Variants in RAMP1 observed in about 807,000 individuals in gnomAD.
RAMP1 encodes the protein receptor activity-modifying protein 1.
A neutral mutation model predicts 8.2 loss-of-function variants in RAMP1; 7 were observed. The ratio of observed to expected loss-of-function variants is 0.85; its 90% confidence interval spans 0.49 to 1.60. The LOEUF is 1.60. RAMP1 is among the 40% of genes most tolerant of loss of function. The probability of loss-of-function intolerance (pLI) is 0.00; values close to 1 mark genes in which losing one functional copy is unlikely to be tolerated. For missense variants in RAMP1, 192 were observed against 202.4 expected (o/e 0.95, Z 0.31); for synonymous variants, 92 against 84.7 (o/e 1.09, Z -0.47).
chr2:237,865,814 C>A lies in RAMP1; in HGVS notation c.52+6087C>A, dbSNP rs375044218. 1.7e-4 allele frequency among the ~76,000 whole-genome samples: 26 copies of A among 152,198 alleles called. No homozygotes were observed. In the East Asian group the frequency reaches 3.5e-3, roughly 20 times the overall value. On this transcript the variant is annotated intron_variant, in intron 1 of 2. Transcript: ENST00000254661. This position sits in a 1 kb window ranked among gnomAD's most constrained non-coding sequence, Gnocchi z 4.2. ...CAGGGAGGACAGAGAAGGAAACGGG[C>A]CCCAGGCACCACTGGGCACCTTGAC... is the stretch of plus-strand genomic sequence containing the variant.
intron 1 of RAMP1, among the ~76,000 whole-genome samples, chr2:237,875,265 C>T (rs1293810994): frequency 1.2e-4 from 18 of 152,274 alleles, no homozygotes; most frequent in East Asian, 3.9e-4. Context: ...GCATCCACAG[C>T]GGGCCCAGCC....
chr2:237,901,273 G>T (rs1867935), intron 2 of RAMP1, among the ~76,000 whole-genome samples: 127,344 of 152,246 alleles, frequency 0.84, 53,449 homozygotes, highest in East Asian at 0.95. Flanking sequence ...CCAGAGTAAG[G>T]GGGATTTTTG....
rs575211854 is a variant in RAMP1 at position 237,884,422 on chromosome 2, G to A, written c.191+7060G>A. ...TCCAGAGACCTTCCTATGGGTGTAGGGGAGGGAGAGAGAAGGCAGAACAGA... is the reference window on the plus strand; with the variant it reads ...TCCAGAGACCTTCCTATGGGTGTAGAGGAGGGAGAGAGAAGGCAGAACAGA... On this transcript the variant is annotated intron_variant, in intron 2 of 2. Transcript: ENST00000254661. Among the ~76,000 whole-genome samples, 40 of 152,288 alleles carry A rather than the reference G, an allele frequency of 2.6e-4. No homozygotes were observed. The South Asian group carries it at 7.9e-3, about 30-fold the overall frequency.
chr2:237,867,583 C>A (rs1054480816), intron 1 of RAMP1, among the ~76,000 whole-genome samples: 2 of 152,218 alleles, frequency 1.3e-5, no homozygotes, highest in African/African-American at 4.8e-5. Context: ...TGTGACACAA[C>A]AACCTGCCCA....
At chr2:237,907,089 C>T (rs2062660960) in intron 2 of RAMP1, among the ~76,000 whole-genome samples, 1 of 152,192 alleles carries the variant, frequency 6.6e-6, no homozygotes, top group Non-Finnish European at 1.5e-5. Flanking sequence ...TGTGTTTCCC[C>T]TCCCCGCAAC....
At chr2:237,886,499 A>T (rs2062434753) in intron 2 of RAMP1, among the ~76,000 whole-genome samples, 1 of 152,188 alleles carries the variant, frequency 6.6e-6, no homozygotes, top group Admixed American at 6.5e-5. Flanking sequence ...AGAAAGCTCC[A>T]GGAGAAATGC....
intron 1 of RAMP1, among the ~76,000 whole-genome samples, chr2:237,873,888 C>A (rs1161140524): frequency 6.6e-6 from 1 of 152,198 alleles, no homozygotes; most frequent in Non-Finnish European, 1.5e-5. Flanking sequence ...TCCAGATTTG[C>A]CTGAACAGCT....
chr2:237,863,558 A>T (rs1340243441), intron 1 of RAMP1, among the ~76,000 whole-genome samples: 1 of 152,206 alleles, frequency 6.6e-6, no homozygotes, highest in Non-Finnish European at 1.5e-5. Context: ...TCACCGAATG[A>T]TGTTATTCTG....
chr2:237,904,272 G>A (rs1233821403), intron 2 of RAMP1, among the ~76,000 whole-genome samples: 2 of 144,428 alleles, frequency 1.4e-5, no homozygotes, highest in African/African-American at 2.5e-5. Context: ...AAAAAAAATA[G>A]CCAGGGCGTG....
intron 1 of RAMP1, among the ~76,000 whole-genome samples, chr2:237,866,547 A>G (rs548820011): frequency 6.6e-6 from 1 of 152,042 alleles, no homozygotes; most frequent in Non-Finnish European, 1.5e-5. Context: ...ATGGCAATAC[A>G]AGTGACCCTT....
At chr2:237,887,392 C>T (rs1024827254) in intron 2 of RAMP1, among the ~76,000 whole-genome samples, 1 of 151,866 alleles carries the variant, frequency 6.6e-6, no homozygotes, top group Non-Finnish European at 1.5e-5. Context: ...TTCGAGGACA[C>T]CGAGTATCTT....
At chr2:237,872,781 CTGTGGGACGCTGA>C (rs371512277) in intron 1 of RAMP1, among the ~76,000 whole-genome samples, 4,203 of 152,342 alleles carry the variant, frequency 0.028, 83 homozygotes, top group Non-Finnish European at 0.04. Context: ...AATCCCAGCA[CTGTGGGACGCTGA>C]GGTGGGACGA....
rs2062319558 is a variant in RAMP1 at position 237,877,416 on chromosome 2, A to G, written c.191+54A>G. 7 of 1,576,474 alleles carry G rather than the reference A, an allele frequency of 4.4e-6. No individual in the cohort carries two copies. Among genetic ancestry groups the G allele is most frequent in the Non-Finnish European group, 6.0e-6 (7 of 1,161,488 alleles). Reference sequence around the variant, plus strand: ...ACACGGTTGGGGAGGGAGAGGGGGCAAGCGGAGGAGGAGTGGACCACGTGG... The same window carrying G: ...ACACGGTTGGGGAGGGAGAGGGGGCGAGCGGAGGAGGAGTGGACCACGTGG... On this transcript the variant is annotated intron_variant, in intron 2 of 2. Coordinates refer to ENST00000254661, the MANE Select transcript of RAMP1 (RefSeq NM_005855.4). The surrounding 1 kb of genome is among the most constrained non-coding windows in gnomAD (Gnocchi z 4.4).
At chr2:237,901,447 G>C (rs374019758) in intron 2 of RAMP1, among the ~76,000 whole-genome samples, 2 of 152,234 alleles carry the variant, frequency 1.3e-5, no homozygotes, top group Non-Finnish European at 2.9e-5. Context: ...TCCAGAAAAG[G>C]CCTCTTTGAG....
Position 237,859,693 on chromosome 2 carries a change from C to T in RAMP1, c.18C>T (p.Cys6=). The change falls in exon 1 of 3, where the codon TGC becomes TGT. Residue 6 remains cysteine (C), a synonymous_variant. Transcript: ENST00000254661. MARAL[C]RLPRRGLWLL... ...TGTGCACCATGGCCCGGGCCCTGTG[C>T]CGCCTCCCGCGGCGCGGCCTCTGGC... 2 of 1,511,784 alleles carry T rather than the reference C, an allele frequency of 1.3e-6. No individual in the cohort carries two copies. Among genetic ancestry groups the T allele is most frequent in the Non-Finnish European group, 1.8e-6 (2 of 1,130,918 alleles). 93.6% of individuals were successfully genotyped at this position (1,511,784 alleles called of 1,614,324 possible).
At chr2:237,900,654 T>C (rs1339685699) in intron 2 of RAMP1, among the ~76,000 whole-genome samples, 2 of 152,238 alleles carry the variant, frequency 1.3e-5, no homozygotes, top group Non-Finnish European at 2.9e-5. Context: ...TTTGTACATA[T>C]AGTATTGCCG....
chr2:237,888,595 G>A (rs1559946330), intron 2 of RAMP1, among the ~76,000 whole-genome samples: 1 of 152,150 alleles, frequency 6.6e-6, no homozygotes, highest in Non-Finnish European at 1.5e-5. Flanking sequence ...TTTCTCAAGT[G>A]CAAGTTACGT....
At chr2:237,880,262 A>G (rs546261157) in intron 2 of RAMP1, among the ~76,000 whole-genome samples, 25 of 152,318 alleles carry the variant, frequency 1.6e-4, no homozygotes, top group Middle Eastern at 3.4e-3. Context: ...CGGTGCTATC[A>G]CAAGGTCCCT....
At chr2:237,867,024 C>G (rs1390406377) in intron 1 of RAMP1, among the ~76,000 whole-genome samples, 1 of 152,138 alleles carries the variant, frequency 6.6e-6, no homozygotes, top group East Asian at 1.9e-4. Flanking sequence ...CCACTGTGCC[C>G]AGCCTATACT....
Sources: allele counts gnomAD v4.1 joint callset (sites outside exome capture counted in the v4.1 genomes callset), GRCh38; gene constraint gnomAD v4.1.1; non-coding constraint Gnocchi (gnomAD v3.1); transcripts MANE v1.5; gene names NCBI Gene and HGNC (gene_info 2026-07-23, HGNC 2026-07-21).